The following SND1 variants were observed in gnomAD, a reference collection of about 807,000 sequenced individuals.
The protein encoded by SND1 is staphylococcal nuclease domain-containing protein 1.
In SND1, 38 loss-of-function variants were observed where a neutral mutation model predicts 121.7. The observed-to-expected ratio is 0.31, with a 90% CI of 0.24 to 0.41. The LOEUF (loss-of-function observed/expected upper bound fraction) is 0.41, where lower values mean the gene tolerates loss of function less well. Ranked by LOEUF, SND1 falls within the 10% of genes least tolerant of loss-of-function variation. The probability of loss-of-function intolerance (pLI) is 1.00; values close to 1 mark genes in which losing one functional copy is unlikely to be tolerated. For synonymous variants in SND1, 401 were observed against 447.4 expected, an observed-to-expected ratio of 0.90 and a Z score of 1.31; for missense variants, 868 against 1,184.6, an observed-to-expected ratio of 0.73 and a Z score of 3.92.
chr7:127,895,163 G>A (rs1421256038), intron 13 of SND1, among the ~76,000 whole-genome samples: 1 of 151,932 alleles, frequency 6.6e-6, no homozygotes, highest in South Asian at 2.1e-4. Context: ...TTAATGGTAT[G>A]GCTTTTAAAT....
intron 10 of SND1, among the ~76,000 whole-genome samples, chr7:127,778,288 G>A (rs1445326664): frequency 6.6e-6 from 1 of 151,696 alleles, no homozygotes; most frequent in Non-Finnish European, 1.5e-5. Context: ...TCCACCTCCC[G>A]GGTTCAAGCA....
At chr7:127,778,927 T>C (rs1027029093) in intron 10 of SND1, among the ~76,000 whole-genome samples, 2 of 152,170 alleles carry the variant, frequency 1.3e-5, no homozygotes, top group African/African-American at 4.8e-5. Flanking sequence ...ATGGATCCCC[T>C]TAGGTCTAAA....
chr7:128,051,315 A>C (rs10234112), intron 16 of SND1, among the ~76,000 whole-genome samples: 9 of 150,980 alleles, frequency 6.0e-5, no homozygotes, highest in African/African-American at 2.2e-4. Context: ...TCAAAGTTCA[A>C]TATCTCCTGT....
intron 16 of SND1, among the ~76,000 whole-genome samples, chr7:128,057,690 C>T (rs1793165070): frequency 6.6e-6 from 1 of 151,878 alleles, no homozygotes; most frequent in East Asian, 1.9e-4. Context: ...CTAGTGTGGC[C>T]AGTGAGAAAC....
chr7:128,078,989 G>C (rs949305416), intron 17 of SND1, among the ~76,000 whole-genome samples: 3 of 152,258 alleles, frequency 2.0e-5, no homozygotes, highest in African/African-American at 7.2e-5. Context: ...CTGCTGGTAG[G>C]AATGAGGGAG....
intron 1 of SND1, among the ~76,000 whole-genome samples, chr7:127,680,006 C>T (rs768897847): frequency 1.1e-4 from 17 of 152,164 alleles, no homozygotes; most frequent in South Asian, 4.1e-4. Context: ...TTTCCCTAAG[C>T]GTCGGCTGGT....
intron 1 of SND1, among the ~76,000 whole-genome samples, chr7:127,656,298 T>C (rs1215313984): frequency 6.6e-6 from 1 of 151,816 alleles, no homozygotes; most frequent in Admixed American, 6.6e-5. Flanking sequence ...TAGGTTTCTT[T>C]CTTTTTCTTT....
At chr7:128,074,360 G>C in intron 16 of SND1, 142 bp from the exon 17 acceptor site, 1 of 703,476 alleles carries the variant, frequency 1.4e-6, no homozygotes. Context: ...GAAATTGAAG[G>C]GTTCTGGGGG....
At chr7:128,091,643 T>G (rs985021818) in intron 22 of SND1, among the ~76,000 whole-genome samples, 194 bp from the exon 23 acceptor site, 2 of 152,054 alleles carry the variant, frequency 1.3e-5, no homozygotes, top group African/African-American at 4.8e-5. Flanking sequence ...GAAGAGCTAG[T>G]GCGAAGAGTT....
intron 16 of SND1, chr7:127,998,363 G>C (rs1241912766): frequency 1.7e-5 from 3 of 174,610 alleles, no homozygotes; most frequent in African/African-American, 7.1e-5. Flanking sequence ...GGGTCTCCCT[G>C]TCTCTCCAGC....
intron 14 of SND1, among the ~76,000 whole-genome samples, chr7:127,927,362 G>A (rs749392920): frequency 6.6e-6 from 1 of 152,196 alleles, no homozygotes; most frequent in Non-Finnish European, 1.5e-5. Context: ...TAATCAATTT[G>A]ATAATTGTTG....
intron 13 of SND1, among the ~76,000 whole-genome samples, chr7:127,888,657 G>A (rs1046185993): frequency 2.4e-4 from 36 of 152,234 alleles, no homozygotes; most frequent in African/African-American, 8.7e-4. Flanking sequence ...GGGTAGTGTG[G>A]TAGTTGAGTG....
At chr7:127,870,428 C>T (rs1799562792) in intron 12 of SND1, among the ~76,000 whole-genome samples, 1 of 152,084 alleles carries the variant, frequency 6.6e-6, no homozygotes, top group African/African-American at 2.4e-5. Context: ...GAAATGTGTC[C>T]TTAGGCAATT....
chr7:127,893,607 T>C (rs558556487), intron 13 of SND1, among the ~76,000 whole-genome samples: 1 of 152,260 alleles, frequency 6.6e-6, no homozygotes, highest in South Asian at 2.1e-4. Context: ...CAACCTAGTG[T>C]CTGAGCAGAT....
At chr7:128,070,293 C>T (rs1793387192) in intron 16 of SND1, among the ~76,000 whole-genome samples, 1 of 152,182 alleles carries the variant, frequency 6.6e-6, no homozygotes, top group African/African-American at 2.4e-5. Context: ...AGAGGGGAAT[C>T]GAGAGGAGAG....
intron 15 of SND1, among the ~76,000 whole-genome samples, chr7:127,964,475 C>A (rs1483390137): frequency 1.3e-5 from 2 of 150,804 alleles, no homozygotes; most frequent in African/African-American, 4.9e-5. Context: ...CTACATATGG[C>A]TAGCCAATTT....
At chr7:127,975,924 C>T (rs1802110305) in intron 15 of SND1, among the ~76,000 whole-genome samples, 1 of 152,198 alleles carries the variant, frequency 6.6e-6, no homozygotes, top group Non-Finnish European at 1.5e-5. Context: ...TCCCAAATAC[C>T]AGTTTCTGAT....
rs771438370 is a variant in SND1, at chr7:128,089,617, C to G, written c.2547C>G (p.Gly849=). The part of the protein sequence containing the change: ...HVTLQFADSK[G]DVGLGLVKEG... ...CCCTGCAGTTTGCAGATTCCAAGGG[C>G]GATGTGGGGCTGGGCTTGGTGAAGG... The change falls in exon 22 of 24, where the codon GGC becomes GGG. Residue 849 remains glycine, a synonymous_variant. Coordinates refer to ENST00000354725, the MANE Select transcript of SND1 (RefSeq NM_014390.4). 2 of 1,613,952 alleles carry G rather than the reference C, an allele frequency of 1.2e-6. No homozygotes were observed. The highest frequency in any genetic ancestry group is 1.1e-5 in the South Asian group (1 of 91,080).
chr7:127,782,368 T>C (rs1270182293), intron 10 of SND1, among the ~76,000 whole-genome samples: 1 of 152,220 alleles, frequency 6.6e-6, no homozygotes, highest in Non-Finnish European at 1.5e-5. Context: ...CATTCTCACA[T>C]TGGCCTGCAC....
Sources: gnomAD v4.1 joint callset for allele counts (sites outside exome capture counted in the v4.1 genomes callset) on GRCh38, gnomAD v4.1.1 for gene constraint, MANE v1.5 for transcripts, NCBI Gene and HGNC (gene_info 2026-07-23, HGNC 2026-07-21) for gene names.